Variants in SUPT3H observed in about 807,000 individuals in gnomAD.
The protein encoded by SUPT3H is transcription initiation protein SPT3 homolog.
In SUPT3H, 44 loss-of-function variants were observed where a neutral mutation model predicts 44.3. The observed-to-expected ratio is 0.99, with a 90% CI of 0.78 to 1.28. SUPT3H has a LOEUF of 1.28. Ranked by LOEUF, SUPT3H falls within the 50% of genes most tolerant of loss-of-function variation. The pLI is 0.00. For missense variants in SUPT3H, 380 were observed against 387.1 expected (o/e 0.98, Z 0.15); for synonymous variants, 124 against 125.6 (o/e 0.99, Z 0.09).
intron 10 of SUPT3H, among the ~76,000 whole-genome samples, chr6:44,886,262 G>C (rs892259456): frequency 4.6e-5 from 7 of 152,024 alleles, no homozygotes; most frequent in Admixed American, 2.0e-4. Context: ...AGGAAATACA[G>C]AGAACGCCAC....
chr6:44,856,301 C>T (rs2153423525), intron 10 of SUPT3H, among the ~76,000 whole-genome samples: 1 of 152,270 alleles, frequency 6.6e-6, no homozygotes, highest in African/African-American at 2.4e-5. Context: ...GACAGCTAGT[C>T]TCTTCCCTCA....
At chr6:45,106,050 C>A (rs1363107346) in intron 2 of SUPT3H, 44 bp from the exon 3 acceptor site, 3 of 1,451,582 alleles carry the variant, frequency 2.1e-6, no homozygotes, top group Admixed American at 1.7e-5. Flanking sequence ...GACTATAAAA[C>A]TAAGAAAGGC....
Position 44,858,190 on chromosome 6 carries a change from A to G in SUPT3H, c.913-28333T>C, listed in dbSNP as rs977455335. 2.0e-5 allele frequency among the ~76,000 whole-genome samples: 3 copies of G among 152,200 alleles called. No homozygotes were observed. The South Asian group carries it at 6.2e-4, about 31-fold the overall frequency. On this transcript the variant is annotated intron_variant, in intron 10 of 10. Transcript: ENST00000371459. ...ATTGAACCTTGAGGGTAGGGAATAT[A>G]GCCTATTCAGAAATGTGGCCCCAGT... is the stretch of plus-strand genomic sequence containing the variant.
chr6:45,288,531 A>ATGTGTG (rs141680515), intron 2 of SUPT3H, among the ~76,000 whole-genome samples: 10 of 30,684 alleles, frequency 3.3e-4, no homozygotes, highest in Non-Finnish European at 4.4e-4. Context: ...AAGAGATACA[A>ATGTGTG]TGTGTGTGTG....
intron 3 of SUPT3H, among the ~76,000 whole-genome samples, chr6:45,029,010 T>A (rs1786493344): frequency 6.6e-6 from 1 of 151,676 alleles, no homozygotes; most frequent in Admixed American, 6.6e-5. Context: ...AGTAAGTATT[T>A]GAAAGGAAAT....
chr6:45,349,569 G>C (rs1791604888), intron 2 of SUPT3H, among the ~76,000 whole-genome samples: 1 of 152,126 alleles, frequency 6.6e-6, no homozygotes, highest in Admixed American at 6.5e-5. Flanking sequence ...CAGTTTAATG[G>C]TTCAGCAAGG....
intron 10 of SUPT3H, among the ~76,000 whole-genome samples, chr6:44,900,749 T>C (rs1161401268): frequency 3.9e-5 from 6 of 152,110 alleles, no homozygotes; most frequent in Non-Finnish European, 5.9e-5. Context: ...GACCCCCAAG[T>C]AGCCTAACTG....
At chr6:45,284,682 C>G (rs558781450) in intron 2 of SUPT3H, among the ~76,000 whole-genome samples, 1 of 152,180 alleles carries the variant, frequency 6.6e-6, no homozygotes, top group Non-Finnish European at 1.5e-5. Context: ...AGAGCTGGTA[C>G]CATTCCTTCT....
intron 6 of SUPT3H, among the ~76,000 whole-genome samples, chr6:44,977,946 T>C (rs1778570479): frequency 2.0e-5 from 3 of 152,160 alleles, no homozygotes; most frequent in Non-Finnish European, 2.9e-5. Context: ...GATCTAGAAA[T>C]GTATTCTAAA....
chr6:45,260,597 T>A (rs903228922), intron 2 of SUPT3H, among the ~76,000 whole-genome samples: 1 of 152,148 alleles, frequency 6.6e-6, no homozygotes, highest in Non-Finnish European at 1.5e-5. Context: ...TATCTTTTAA[T>A]CTCTACATTT....
chr6:44,840,161 C>A (rs1392632090), intron 10 of SUPT3H, among the ~76,000 whole-genome samples: 1 of 152,232 alleles, frequency 6.6e-6, no homozygotes, highest in African/African-American at 2.4e-5. Flanking sequence ...TAAATTCTAC[C>A]TTTATGTATT....
At chr6:45,274,058 G>C (rs1584621477) in intron 2 of SUPT3H, among the ~76,000 whole-genome samples, 1 of 152,182 alleles carries the variant, frequency 6.6e-6, no homozygotes, top group African/African-American at 2.4e-5. Flanking sequence ...ATGACATTGA[G>C]CATCTTTTCA....
chr6:45,368,402 A>C (rs1425463268), intron 1 of SUPT3H, among the ~76,000 whole-genome samples: 1 of 152,208 alleles, frequency 6.6e-6, no homozygotes, highest in Non-Finnish European at 1.5e-5. Flanking sequence ...AAGGAATTTA[A>C]GGATGCACGC....
At chr6:44,818,420 C>T (rs1017143330) in intron 11 of SUPT3H, among the ~76,000 whole-genome samples, 1 of 152,062 alleles carries the variant, frequency 6.6e-6, no homozygotes, top group Non-Finnish European at 1.5e-5. Context: ...ATGAAGGTTT[C>T]TTACATAAGA....
At chr6:44,926,828 T>A (rs1280290981) in intron 10 of SUPT3H, among the ~76,000 whole-genome samples, 1 of 152,212 alleles carries the variant, frequency 6.6e-6, no homozygotes, top group Non-Finnish European at 1.5e-5. Context: ...AGTTGCTACT[T>A]TATTTTTGCC....
intron 1 of SUPT3H, chr6:45,377,550 A>G (rs1259651772): frequency 6.6e-6 from 1 of 152,036 alleles, no homozygotes; most frequent in Non-Finnish European, 1.5e-5. Flanking sequence ...TCGGCAGCGG[A>G]ACCAGGGCGC....
At chr6:45,015,287 T>C (rs944641759) in intron 4 of SUPT3H, among the ~76,000 whole-genome samples, 1 of 152,116 alleles carries the variant, frequency 6.6e-6, no homozygotes, top group South Asian at 2.1e-4. Flanking sequence ...GGCTACAAAC[T>C]GGTATGCAAG....
intron 2 of SUPT3H, among the ~76,000 whole-genome samples, chr6:45,175,375 A>G (rs1811568648): frequency 6.6e-6 from 1 of 152,164 alleles, no homozygotes; most frequent in Non-Finnish European, 1.5e-5. Context: ...TGGGGAAGCA[A>G]GGCACTTTCT....
intron 3 of SUPT3H, among the ~76,000 whole-genome samples, chr6:45,037,466 G>A (rs1052304954): frequency 1.3e-5 from 2 of 150,456 alleles, no homozygotes; most frequent in Non-Finnish European, 3.0e-5. Context: ...GGCCGATATG[G>A]TGAAACCCTG....
Sources: allele counts gnomAD v4.1 joint callset (sites outside exome capture counted in the v4.1 genomes callset), GRCh38; gene constraint gnomAD v4.1.1; transcripts MANE v1.5; gene names NCBI Gene and HGNC (gene_info 2026-07-23, HGNC 2026-07-21).